Variants in DDX10 observed in about 807,000 individuals in gnomAD.
DDX10 encodes probable ATP-dependent RNA helicase DDX10.
DDX10 carries 74 observed loss-of-function variants against 104.3 expected under a neutral mutation model. That is an observed-to-expected ratio of 0.71 (90% CI 0.59 to 0.86). The LOEUF is 0.86. DDX10 is among the 40% of genes least tolerant of loss of function. The pLI, the probability that DDX10 is intolerant of heterozygous loss-of-function variation, is 0.00. For synonymous variants in DDX10, 351 were observed against 353.4 expected (o/e 0.99, Z 0.08); for missense variants, 952 against 1,040.0 (o/e 0.92, Z 1.16).
chr11:108,880,333 G>A (rs1343170539), intron 16 of DDX10, among the ~76,000 whole-genome samples: 3 of 152,126 alleles, frequency 2.0e-5, no homozygotes, highest in Admixed American at 1.3e-4. Context: ...CTTATTATCT[G>A]TTTTAAAGGC....
intron 13 of DDX10, among the ~76,000 whole-genome samples, chr11:108,793,890 T>G (rs1861904672): frequency 6.6e-6 from 1 of 152,052 alleles, no homozygotes; most frequent in Non-Finnish European, 1.5e-5. Context: ...ATAAATGTTT[T>G]TTTTTTTTTA....
At chr11:108,795,021 T>C (rs1194149424) in intron 13 of DDX10, among the ~76,000 whole-genome samples, 3 of 152,076 alleles carry the variant, frequency 2.0e-5, no homozygotes. Context: ...AGAGGTGGGG[T>C]TTCACCATGT....
chr11:108,868,005 G>A (rs1421630421), intron 16 of DDX10, among the ~76,000 whole-genome samples: 1 of 152,084 alleles, frequency 6.6e-6, no homozygotes, highest in African/African-American at 2.4e-5. Context: ...GGTAGCTTGA[G>A]GAAACTCCTA....
At chr11:108,673,446 T>C in intron 1 of DDX10, 21 bp from the exon 2 acceptor site, 1 of 1,522,746 alleles carries the variant, frequency 6.6e-7, no homozygotes, top group Non-Finnish European at 9.1e-7. Flanking sequence ...GTTACCCTGA[T>C]TCCTTTTTCT....
In DDX10 at chr11:108,855,455, T is replaced by TTTTA. The variant is rs1445757557; in HGVS notation, c.2304+3262_2304+3265dup. ...GCTGCTTTTGAAAAGAAAGTGTGAT[T>TTTTA]TTTATTTATTTATTTATTTTTTAAG... is the stretch of plus-strand genomic sequence containing the variant. On this transcript the variant is annotated intron_variant, in intron 16 of 17. Transcript: ENST00000322536. Among the ~76,000 whole-genome samples the TTTTA allele has an allele frequency of 4.6e-5, 7 of 152,136 alleles. No individual in the cohort carries two copies. The East Asian group carries it at 9.6e-4, about 21-fold the overall frequency.
intron 10 of DDX10, among the ~76,000 whole-genome samples, chr11:108,712,257 C>G (rs1591798192): frequency 1.3e-5 from 2 of 152,176 alleles, no homozygotes; most frequent in South Asian, 4.1e-4. Flanking sequence ...ACTCTGACAA[C>G]ATCTCTTTTA....
intron 10 of DDX10, among the ~76,000 whole-genome samples, chr11:108,714,188 C>A (rs2094288316): frequency 6.6e-6 from 1 of 152,166 alleles, no homozygotes; most frequent in Non-Finnish European, 1.5e-5. Flanking sequence ...TGTGGGGCTG[C>A]CTTATGAATG....
At chr11:108,824,897 G>A (rs1862375258) in intron 13 of DDX10, among the ~76,000 whole-genome samples, 1 of 152,106 alleles carries the variant, frequency 6.6e-6, no homozygotes, top group Non-Finnish European at 1.5e-5. Context: ...ATGTCCTAAG[G>A]TAGTAAATAG....
At position 108,715,960 on chromosome 11, in the gene DDX10, T is replaced by C; in HGVS notation, c.1404T>C (p.Ala468=). The C allele has an allele frequency of 6.5e-7, 1 of 1,529,770 alleles. No homozygotes were observed. Among genetic ancestry groups the C allele is most frequent in the Non-Finnish European group, 9.0e-7 (1 of 1,108,782 alleles). 94.8% of individuals were successfully genotyped at this position (1,529,770 alleles called of 1,614,324 possible). A position where few individuals can be genotyped will look rare whatever the true frequency, so the allele number is the denominator to read the frequency against. ...LAQDQDLKER[A]QRCFVSYVRS... The stretch of plus-strand genomic sequence containing the variant: ...AAGATCAAGATTTAAAAGAAAGAGC[T>C]CAAAGGGTAAGTCATTTTTCAGTTG... The change falls in exon 11 of 18, where the codon GCT becomes GCC. Residue 468 remains alanine, a synonymous_variant. Coordinates refer to ENST00000322536, the MANE Select transcript of DDX10 (RefSeq NM_004398.4).
intron 13 of DDX10, among the ~76,000 whole-genome samples, chr11:108,784,326 T>C (rs1324296405): frequency 2.6e-5 from 4 of 152,176 alleles, no homozygotes; most frequent in Non-Finnish European, 5.9e-5. Flanking sequence ...TTGACTTTTT[T>C]AGTAACCTCC....
rs547378783 is a variant in DDX10, at chr11:108,940,814, A to G, written c.*391A>G. On this transcript the variant is annotated 3_prime_UTR_variant, in exon 18 of 18. Transcript: ENST00000322536. The stretch of plus-strand genomic sequence containing the variant: ...GTTTCTGTTGCTGTTAAAATTGCTC[A>G]TGATTTCGACGTATTTAATATTTTC... 2.9e-4 allele frequency: 66 copies of G among 228,540 alleles called. No homozygotes were observed. Among genetic ancestry groups the G allele is most frequent in the African/African-American group, 1.4e-3 (63 of 44,988 alleles). 14.2% of individuals were successfully genotyped at this position (228,540 alleles called of 1,614,324 possible).
intron 12 of DDX10, among the ~76,000 whole-genome samples, chr11:108,720,764 T>G (rs916272639): frequency 2.6e-5 from 4 of 152,026 alleles, no homozygotes; most frequent in African/African-American, 9.7e-5. Context: ...CTAGTTTTTT[T>G]GTAATTTTTG....
At chr11:108,721,600 C>T (rs3781866) in intron 12 of DDX10, among the ~76,000 whole-genome samples, 71,275 of 151,962 alleles carry the variant, frequency 0.47, 19,720 homozygotes, top group Non-Finnish European at 0.61. Flanking sequence ...AGAAAATTAA[C>T]GTTGAGAACA....
At chr11:108,902,432 G>C (rs1437427768) in intron 16 of DDX10, among the ~76,000 whole-genome samples, 2 of 152,116 alleles carry the variant, frequency 1.3e-5, no homozygotes, top group Non-Finnish European at 2.9e-5. Flanking sequence ...GTGGACTTTG[G>C]AGTCAAACGT....
intron 13 of DDX10, among the ~76,000 whole-genome samples, chr11:108,738,660 A>C (rs1364351740): frequency 1.3e-5 from 2 of 152,062 alleles, no homozygotes; most frequent in African/African-American, 2.4e-5. Context: ...CCCAAGCCCC[A>C]TTAGCTCTGT....
chr11:108,887,451 T>G (rs1328980217), intron 16 of DDX10, among the ~76,000 whole-genome samples: 1 of 151,854 alleles, frequency 6.6e-6, no homozygotes, highest in East Asian at 1.9e-4. Flanking sequence ...GTTCTAGTTC[T>G]GTCATTTTTT....
intron 13 of DDX10, among the ~76,000 whole-genome samples, chr11:108,725,349 G>A (rs963883907): frequency 6.6e-6 from 1 of 152,034 alleles, no homozygotes; most frequent in African/African-American, 2.4e-5. Context: ...TAGGGTTACT[G>A]GGAACATATG....
intron 13 of DDX10, among the ~76,000 whole-genome samples, chr11:108,728,305 G>A (rs567380201): frequency 6.6e-6 from 1 of 152,042 alleles, no homozygotes; most frequent in East Asian, 1.9e-4. Context: ...GAGGGGCAGG[G>A]CGGGGGACTC....
chr11:108,917,555 C>T (rs1471361133), intron 16 of DDX10, among the ~76,000 whole-genome samples: 1 of 152,154 alleles, frequency 6.6e-6, no homozygotes, highest in Non-Finnish European at 1.5e-5. Flanking sequence ...GAGCATGCCA[C>T]AGCACCTGGC....
Sources: allele counts gnomAD v4.1 joint callset (sites outside exome capture counted in the v4.1 genomes callset), GRCh38; gene constraint gnomAD v4.1.1; transcripts MANE v1.5; gene names NCBI Gene and HGNC (gene_info 2026-07-23, HGNC 2026-07-21).